Variants in HECW1 observed in about 807,000 individuals in gnomAD.
HECW1 encodes HECT, C2 and WW domain containing E3 ubiquitin protein ligase 1, also known as E3 ubiquitin-protein ligase HECW1.
HECW1 carries 61 observed loss-of-function variants against 182.3 expected under a neutral mutation model. The ratio of observed to expected loss-of-function variants is 0.33; its 90% CI spans 0.27 to 0.41. HECW1 has a LOEUF of 0.41. HECW1 is among the 10% of genes least tolerant of loss of function. The pLI, the probability that HECW1 is intolerant of heterozygous loss-of-function variation, is 1.00. For missense variants in HECW1, 1,739 were observed against 2,108.9 expected, an observed-to-expected ratio of 0.82 and a Z score of 3.44; for synonymous variants, 859 against 832.6, an observed-to-expected ratio of 1.03 and a Z score of -0.55.
intron 3 of HECW1, among the ~76,000 whole-genome samples, chr7:43,289,858 C>T (rs539503538): frequency 6.6e-6 from 1 of 152,302 alleles, no homozygotes; most frequent in Admixed American, 6.5e-5. Context: ...AAAGGCAGGA[C>T]ATCTTGAAGT....
intron 2 of HECW1, among the ~76,000 whole-genome samples, chr7:43,205,830 G>A (rs181237233): frequency 6.6e-6 from 1 of 152,324 alleles, no homozygotes; most frequent in African/African-American, 2.4e-5. Flanking sequence ...TGATGGGAGA[G>A]TTATAAGTGC....
At chr7:43,407,973 G>A (rs769591451) in intron 8 of HECW1, among the ~76,000 whole-genome samples, 36 of 152,156 alleles carry the variant, frequency 2.4e-4, no homozygotes, top group Admixed American at 9.2e-4. Flanking sequence ...TTCTGATTCA[G>A]AACCCATGCC....
chr7:43,162,750 C>A (rs1362886785), intron 2 of HECW1, among the ~76,000 whole-genome samples: 1 of 152,108 alleles, frequency 6.6e-6, no homozygotes, highest in African/African-American at 2.4e-5. Context: ...AGGTAGTGGT[C>A]CCTATAAACA....
At chr7:43,229,129 G>T (rs752502698) in intron 2 of HECW1, among the ~76,000 whole-genome samples, 1 of 152,148 alleles carries the variant, frequency 6.6e-6, no homozygotes, top group Non-Finnish European at 1.5e-5. Flanking sequence ...ATTTGTATTC[G>T]CTTTCTGGTA....
In HECW1 at chr7:43,550,561, G is replaced by A. The variant is rs749814744; in HGVS notation, c.4365G>A (p.Gln1455=). The A allele has an allele frequency of 1.2e-6, 2 of 1,609,382 alleles. No individual in the cohort carries two copies. The highest frequency in any genetic ancestry group is 1.7e-6 in the Non-Finnish European group (2 of 1,177,960). ...KWRVERGVVQ[Q]TEALVRGFYE... ...GGGTGGAGCGCGGCGTGGTACAGCA[G>A]ACCGAGGCGCTGGTGCGCGGCTTCT... Residue 1455 remains glutamine (Q), a synonymous_variant, in exon 27 of 30, where the codon CAG becomes CAA. Transcript: ENST00000395891.
chr7:43,188,489 C>G (rs891117287), intron 2 of HECW1, among the ~76,000 whole-genome samples: 1 of 152,170 alleles, frequency 6.6e-6, no homozygotes, highest in Admixed American at 6.5e-5. Flanking sequence ...AGTTTAATCA[C>G]TAACCTAGGG....
At chr7:43,533,230 A>G (rs1173748947) in intron 24 of HECW1, among the ~76,000 whole-genome samples, 2 of 152,150 alleles carry the variant, frequency 1.3e-5, no homozygotes, top group African/African-American at 4.8e-5. Context: ...AACCAACTCT[A>G]TTCTTTTGAG....
intron 29 of HECW1, among the ~76,000 whole-genome samples, chr7:43,558,524 A>C (rs2082104641): frequency 6.6e-6 from 1 of 152,174 alleles, no homozygotes; most frequent in South Asian, 2.1e-4. Context: ...GGCAGTTGAC[A>C]ATGTCTGGAG....
At chr7:43,549,020 G>A (rs188416051) in intron 26 of HECW1, among the ~76,000 whole-genome samples, 123 of 152,268 alleles carry the variant, frequency 8.1e-4, no homozygotes, top group Non-Finnish European at 1.5e-3. Flanking sequence ...CACTGCTATC[G>A]CTAGGGTAGG....
intron 2 of HECW1, among the ~76,000 whole-genome samples, chr7:43,212,995 T>C (rs541110344): frequency 9.2e-5 from 14 of 152,172 alleles, no homozygotes; most frequent in Non-Finnish European, 1.6e-4. Flanking sequence ...GAGCTAAGAT[T>C]AAATCATATT....
chr7:43,373,096 G>T (rs1381811636), intron 6 of HECW1, among the ~76,000 whole-genome samples: 1 of 152,092 alleles, frequency 6.6e-6, no homozygotes, highest in Non-Finnish European at 1.5e-5. Context: ...CCTGGAGCAG[G>T]AAGAGATGGA....
chr7:43,466,225 G>A (rs2077774353), intron 14 of HECW1, among the ~76,000 whole-genome samples: 1 of 152,142 alleles, frequency 6.6e-6, no homozygotes, highest in East Asian at 1.9e-4. Flanking sequence ...TGATAAAAGG[G>A]AAGAGATGTT....
At chr7:43,397,664 G>T (rs562726323) in intron 7 of HECW1, among the ~76,000 whole-genome samples, 28 of 152,258 alleles carry the variant, frequency 1.8e-4, no homozygotes, top group Middle Eastern at 6.8e-3. Flanking sequence ...AAGGGTGGGG[G>T]AGTATCACAA....
chr7:43,502,330 G>A lies in HECW1; in HGVS notation c.3631+1008G>A, dbSNP rs557329989. ...TTTGCAGGTATTTTCCATTCCAAGTGAGAGAATACATATGTTGAACTGTTT... is the reference window on the plus strand; with the variant it reads ...TTTGCAGGTATTTTCCATTCCAAGTAAGAGAATACATATGTTGAACTGTTT... On this transcript the variant is annotated intron_variant, in intron 21 of 29. Transcript: ENST00000395891. 1.3e-5 allele frequency among the ~76,000 whole-genome samples: 2 copies of A among 152,272 alleles called. 1 individual carries two copies. Among genetic ancestry groups the A allele is most frequent in the East Asian group, 3.9e-4 (2 of 5,190 alleles).
In HECW1 at chr7:43,444,235, C is replaced by T. The variant is rs771159032; in HGVS notation, c.1063C>T (p.Leu355=). Residue 355 remains leucine, a synonymous_variant, in exon 11 of 30, where the codon CTG becomes TTG. Transcript: ENST00000395891. This position sits in a 1 kb window ranked among gnomAD's most constrained non-coding sequence, Gnocchi z 4.3. ...SIHPDDEEIS[L]STEPESAQIQ... ...ACCAGCAGATGATGAGGAGATTTCC[C>T]TGAGTACCGAGCCTGAGTCAGCCCA... is the stretch of plus-strand genomic sequence containing the variant. The T allele has an allele frequency of 1.9e-6, 3 of 1,606,362 alleles. No individual in the cohort carries two copies. The South Asian group carries it at 3.3e-5, about 18-fold the overall frequency.
chr7:43,148,088 G>A (rs1416675317), intron 2 of HECW1, among the ~76,000 whole-genome samples: 3 of 152,186 alleles, frequency 2.0e-5, no homozygotes, highest in South Asian at 4.1e-4. Context: ...ACCTGAGATG[G>A]ATTTGTGTGT....
chr7:43,324,084 G>C (rs1810479542), intron 5 of HECW1, among the ~76,000 whole-genome samples: 2 of 152,176 alleles, frequency 1.3e-5, no homozygotes, highest in South Asian at 2.1e-4. Flanking sequence ...ATAACTGAAA[G>C]TTGAACACTT....
intron 16 of HECW1, among the ~76,000 whole-genome samples, chr7:43,472,140 A>G (rs886587390): frequency 6.6e-6 from 1 of 152,232 alleles, no homozygotes; most frequent in Non-Finnish European, 1.5e-5. Context: ...CACTGATGCT[A>G]TGTGAAATCT....
At chr7:43,213,488 C>T (rs1311428282) in intron 2 of HECW1, among the ~76,000 whole-genome samples, 5 of 145,222 alleles carry the variant, frequency 3.4e-5, no homozygotes, top group Admixed American at 7.1e-5. Context: ...CTCTGTCGCC[C>T]AGGCTGGAGT....
Sources: gnomAD v4.1 joint callset for allele counts (sites outside exome capture counted in the v4.1 genomes callset) on GRCh38, gnomAD v4.1.1 for gene constraint, Gnocchi (gnomAD v3.1) non-coding constraint, MANE v1.5 for transcripts, NCBI Gene and HGNC (gene_info 2026-07-23, HGNC 2026-07-21) for gene names.